CYP2A13: variants seen among roughly 807,000 people sequenced by gnomAD.
The protein encoded by CYP2A13 is cytochrome P450 2A13.
CYP2A13 carries 30 observed loss-of-function variants against 39.4 expected under a neutral mutation model. The ratio of observed to expected loss-of-function variants is 0.76; its 90% CI spans 0.57 to 1.03. The LOEUF (loss-of-function observed/expected upper bound fraction) is 1.03. Among genes scored for constraint, CYP2A13 ranks in the 50% least tolerant of loss-of-function variants. The pLI is 0.00. For missense variants in CYP2A13, 731 were observed against 648.4 expected, an observed-to-expected ratio of 1.13 and a Z score of -1.38; for synonymous variants, 269 against 254.7, an observed-to-expected ratio of 1.06 and a Z score of -0.54.
rs1205183416 is a variant in CYP2A13 at position 41,093,705 on chromosome 19, A to G, written c.907A>G (p.Thr303Ala). 12 of 1,613,998 alleles carry G rather than the reference A, an allele frequency of 7.4e-6. No homozygotes were observed. Among genetic ancestry groups the G allele is most frequent in the Non-Finnish European group, 8.5e-6 (10 of 1,180,018 alleles). The change falls in exon 6 of 9, where the codon ACT (threonine) becomes GCT (alanine). Residue 303 changes from threonine to alanine, a missense_variant. Physicochemically the swap from Thr to Ala is moderately conservative, Grantham distance 58. Coordinates refer to ENST00000330436, the MANE Select transcript of CYP2A13 (RefSeq NM_000766.5). ...MTTLNLFFAGTETVSTTLRYG... is the reference protein window; with the variant it reads ...MTTLNLFFAGAETVSTTLRYG... Reference sequence around the variant, plus strand: ...CACCCTGAACCTCTTCTTTGCGGGCACTGAGACCGTGAGCACCACCCTGCG... The same window carrying G: ...CACCCTGAACCTCTTCTTTGCGGGCGCTGAGACCGTGAGCACCACCCTGCG...
rs768298408 is a variant in CYP2A13, at chr19:41,094,327, A to G, written c.1056A>G (p.Thr352=). 67 of 1,613,984 alleles carry G rather than the reference A, an allele frequency of 4.2e-5. No individual in the cohort carries two copies. Among genetic ancestry groups the G allele is most frequent in the Non-Finnish European group, 5.4e-5 (64 of 1,180,012 alleles). ...KFEDRAKMPY[T]EAVIHEIQRF... is the part of the protein sequence containing the mutation. Reference sequence around the variant, plus strand: ...AGGACCGGGCCAAGATGCCCTACACAGAGGCAGTGATCCACGAGATCCAAA... The same window carrying G: ...AGGACCGGGCCAAGATGCCCTACACGGAGGCAGTGATCCACGAGATCCAAA... Residue 352 remains threonine (T), a synonymous_variant, in exon 7 of 9, where the codon ACA becomes ACG. Coordinates refer to ENST00000330436, the MANE Select transcript of CYP2A13 (RefSeq NM_000766.5).
chr19:41,094,318 G>A lies in CYP2A13; in HGVS notation c.1047G>A (p.Met349Ile). Reference sequence around the variant, plus strand: ...CCAAGTTTGAGGACCGGGCCAAGATGCCCTACACAGAGGCAGTGATCCACG... The same window carrying A: ...CCAAGTTTGAGGACCGGGCCAAGATACCCTACACAGAGGCAGTGATCCACG... ...RQPKFEDRAK[M>I]PYTEAVIHEI... Residue 349 changes from methionine to isoleucine, a missense_variant, in exon 7 of 9, where the codon ATG (methionine) becomes ATA (isoleucine). Met to Ile is a conservative substitution (Grantham distance 10, BLOSUM62 1). Transcript: ENST00000330436. 2 of 1,614,062 alleles carry A rather than the reference G, an allele frequency of 1.2e-6. No homozygotes were observed. The highest frequency in any genetic ancestry group is 1.7e-6 in the Non-Finnish European group (2 of 1,180,010).
rs1293855881 is a variant in CYP2A13 at position 41,091,680 on chromosome 19, C to T, written c.655-52C>T. 7 of 1,603,192 alleles carry T rather than the reference C, an allele frequency of 4.4e-6. No individual in the cohort carries two copies. In the East Asian group the frequency reaches 1.6e-4, roughly 36 times the overall value. ...AAACAAATCCCCATTCCCATCAGCT[C>T]CTGCCCCGTGACAGCTGTCCTTCCC... On this transcript the variant is annotated intron_variant, in intron 4 of 8. Coordinates refer to ENST00000330436, the MANE Select transcript of CYP2A13 (RefSeq NM_000766.5).
At chr19:41,092,504 C>T (rs1474117917) in intron 5 of CYP2A13, among the ~76,000 whole-genome samples, 1 of 152,100 alleles carries the variant, frequency 6.6e-6, no homozygotes, top group East Asian at 1.9e-4. Flanking sequence ...CCATGGAACA[C>T]TTATAACAGC....
At position 41,088,985 on chromosome 19, in the gene CYP2A13, G is replaced by A; in HGVS notation, c.237G>A (p.Val79=). ...TTCACTTGGGGCCCCGGCGGGTCGT[G>A]GTGCTGTGCGGACATGATGCCGTCA... ...FTIHLGPRRV[V]VLCGHDAVKE... is the part of the protein sequence containing the mutation. Residue 79 remains valine (V), a synonymous_variant, in exon 2 of 9, where the codon GTG becomes GTA. Transcript: ENST00000330436. 6.2e-7 allele frequency: 1 copy of A among 1,613,960 alleles called. No homozygotes were observed. Among genetic ancestry groups the A allele is most frequent in the East Asian group, 2.2e-5 (1 of 44,876 alleles).
intron 4 of CYP2A13, 58 bp from the exon 5 acceptor site, chr19:41,091,674 T>C (rs2031191303): frequency 6.3e-7 from 1 of 1,596,810 alleles, no homozygotes; most frequent in East Asian, 2.2e-5. Context: ...CCCATTCCCA[T>C]CAGCTCCTGC....
At chr19:41,093,137 G>A (rs2031226497) in intron 5 of CYP2A13, among the ~76,000 whole-genome samples, 1 of 151,840 alleles carries the variant, frequency 6.6e-6, no homozygotes, top group Admixed American at 6.6e-5. Flanking sequence ...CCCAGGGTGG[G>A]CAGAGGTTGC....
At chr19:41,093,558 C>T (rs2144727093) in intron 5 of CYP2A13, 72 bp from the exon 6 acceptor site, 1 of 1,588,134 alleles carries the variant, frequency 6.3e-7, no homozygotes, top group South Asian at 1.1e-5. Context: ...GAGGTAGCTC[C>T]AAAGGAAAAG....
At position 41,088,802 on chromosome 19, in the gene CYP2A13, C is replaced by A. The variant is rs1186383727; in HGVS notation, c.181-127C>A. The A allele has an allele frequency of 2.6e-6, 4 of 1,541,848 alleles. No individual in the cohort carries two copies. In the African/African-American group the frequency reaches 5.5e-5, roughly 21 times the overall value. ...AGGGTCCTAGCAGGAAAGACAGGAT[C>A]TTGGGATGTCCAGCTCCCTGACTGT... On this transcript the variant is annotated intron_variant, in intron 1 of 8. Coordinates refer to ENST00000330436, the MANE Select transcript of CYP2A13 (RefSeq NM_000766.5).
At chr19:41,092,349 A>C (rs943371860) in intron 5 of CYP2A13, among the ~76,000 whole-genome samples, 26 of 146,496 alleles carry the variant, frequency 1.8e-4, no homozygotes, top group African/African-American at 4.6e-4. Context: ...AAAAATCCTG[A>C]CAATCCCAAC....
Position 41,094,443 on chromosome 19 carries a change from C to T in CYP2A13, c.1161+11C>T, listed in dbSNP as rs1305399062. ...TTCTTCCTCCCTAAGGTGCTGTCTC[C>T]CCTCCACCACCACCACTCAGACTAC... On this transcript the variant is annotated intron_variant, in intron 7 of 8. Transcript: ENST00000330436. 1.2e-6 allele frequency: 2 copies of T among 1,614,000 alleles called. No homozygotes were observed. The highest frequency in any genetic ancestry group is 1.7e-6 in the Non-Finnish European group (2 of 1,179,952).
chr19:41,088,636 C>G lies in CYP2A13; in HGVS notation c.165C>G (p.Tyr55Ter). ...TGCAGCTGAACACAGAGCAGATGTACAACTCCCTCATGAAGGTGTCCTAAG... is the reference window on the plus strand; with the variant it reads ...TGCAGCTGAACACAGAGCAGATGTAGAACTCCCTCATGAAGGTGTCCTAAG... Reference protein sequence around the residue: ...NYLQLNTEQMYNSLMKISERY... With the variant: ...NYLQLNTEQM Residue 55 changes from tyrosine (Y) to a stop codon, truncating the protein, a stop_gained, in exon 1 of 9, where the codon TAC becomes TAG. Transcript: ENST00000330436. LOFTEE classifies it high-confidence loss of function. The G allele has an allele frequency of 6.2e-7, 1 of 1,613,758 alleles. No individual in the cohort carries two copies. Among genetic ancestry groups the G allele is most frequent in the Non-Finnish European group, 8.5e-7 (1 of 1,179,762 alleles).
At chr19:41,091,993 C>T in intron 5 of CYP2A13, 85 bp downstream of exon 5, 3 of 1,555,672 alleles carry the variant, frequency 1.9e-6, no homozygotes, top group Non-Finnish European at 8.7e-7. Flanking sequence ...ACGACACAGG[C>T]CCATTCAAAT....
At chr19:41,093,483 C>A (rs753033375) in intron 5 of CYP2A13, 147 bp from the exon 6 acceptor site, 10 of 884,602 alleles carry the variant, frequency 1.1e-5, no homozygotes, top group Non-Finnish European at 1.5e-5. Flanking sequence ...AGGGCAAGGG[C>A]TGGAACCTGG....
intron 2 of CYP2A13, among the ~76,000 whole-genome samples, chr19:41,089,427 C>T (rs1165718444): frequency 4.6e-5 from 7 of 152,052 alleles, no homozygotes; most frequent in Admixed American, 4.6e-4. Context: ...TTGTCGCTCT[C>T]GGCTTCTGTG....
At chr19:41,092,112 T>C (rs2031204393) in intron 5 of CYP2A13, among the ~76,000 whole-genome samples, 1 of 151,878 alleles carries the variant, frequency 6.6e-6, no homozygotes, top group Non-Finnish European at 1.5e-5. Context: ...GGTCAGGAGT[T>C]CGAGACCAGC....
At chr19:41,090,343 AC>A (rs2031160042) in intron 3 of CYP2A13, 60 bp from the exon 4 acceptor site, 1 of 1,605,044 alleles carries the variant, frequency 6.2e-7, no homozygotes, top group Admixed American at 1.7e-5. Context: ...TGGAATTCTG[AC>A]TCTCCTCAGA....
rs777216350 is a variant in CYP2A13, at chr19:41,093,700, C to A, written c.902C>A (p.Ala301Glu). The A allele has an allele frequency of 5.0e-6, 8 of 1,614,084 alleles. No individual in the cohort carries two copies. Among genetic ancestry groups the A allele is most frequent in the Non-Finnish European group, 5.9e-6 (7 of 1,180,012 alleles). ...LVMTTLNLFFAGTETVSTTLR... is the reference protein window; with the variant it reads ...LVMTTLNLFFEGTETVSTTLR... ...ATGACCACCCTGAACCTCTTCTTTG[C>A]GGGCACTGAGACCGTGAGCACCACC... Residue 301 changes from alanine (A) to glutamate (E), a missense_variant, in exon 6 of 9, where the codon GCG becomes GAG. Coordinates refer to ENST00000330436, the MANE Select transcript of CYP2A13 (RefSeq NM_000766.5).
At chr19:41,088,881 T>G (rs1324239025) in intron 1 of CYP2A13, 48 bp from the exon 2 acceptor site, 1 of 1,608,488 alleles carries the variant, frequency 6.2e-7, no homozygotes, top group Non-Finnish European at 8.5e-7. Flanking sequence ...CTGGGCCCAT[T>G]CAGAGTGGGG....
Sources: allele counts gnomAD v4.1 joint callset (sites outside exome capture counted in the v4.1 genomes callset), GRCh38; gene constraint gnomAD v4.1.1; transcripts MANE v1.5; gene names NCBI Gene and HGNC (gene_info 2026-07-23, HGNC 2026-07-21).